COX7C: variants seen among roughly 807,000 people sequenced by gnomAD.
COX7C encodes cytochrome c oxidase subunit 7C, also known as cytochrome c oxidase subunit 7C, mitochondrial.
COX7C carries 1 observed loss-of-function variant against 6.4 expected under a neutral mutation model. The ratio of observed to expected loss-of-function variants is 0.16; its 90% CI spans 0.06 to 0.74. The LOEUF is 0.74. Ranked by LOEUF, COX7C falls within the 30% of genes least tolerant of loss-of-function variation. COX7C has a pLI of 0.78. For missense variants in COX7C, 54 were observed against 73.7 expected (o/e 0.73, Z 0.98); for synonymous variants, 24 against 28.9 (o/e 0.83, Z 0.54).
intron 2 of COX7C, 101 bp downstream of exon 2, chr5:86,619,597 C>A: frequency 1.4e-6 from 1 of 692,196 alleles, no homozygotes; most frequent in Non-Finnish European, 2.6e-6. Context: ...TTGTGTAGGG[C>A]TGATTCCTGA....
rs1170824721 is a variant in COX7C, at chr5:86,617,980, A to G, written c.-76A>G. ...CGCACCGGGGAACAAGGTCGTGAAA[A>G]AAAAGGTCTTGGTGAGGTGCCGCCA... On this transcript the variant is annotated 5_prime_UTR_variant, in exon 1 of 3. Transcript: ENST00000247655. The G allele has an allele frequency of 7.0e-7, 1 of 1,423,424 alleles. No individual in the cohort carries two copies. Among genetic ancestry groups the G allele is most frequent in the Non-Finnish European group, 9.9e-7 (1 of 1,012,782 alleles). 88.2% of individuals were successfully genotyped at this position (1,423,424 alleles called of 1,614,324 possible). A position where few individuals can be genotyped will look rare whatever the true frequency, so the allele number is the denominator to read the frequency against.
At chr5:86,618,661 G>C (rs1479229181) in intron 1 of COX7C, among the ~76,000 whole-genome samples, 1 of 152,198 alleles carries the variant, frequency 6.6e-6, no homozygotes, top group African/African-American at 2.4e-5. Context: ...ATAAAGGCCA[G>C]AGAAGGTGCT....
chr5:86,618,374 T>G, intron 1 of COX7C: 71 of 460,316 alleles, frequency 1.5e-4, no homozygotes, highest in Middle Eastern at 6.1e-4. Flanking sequence ...TGACGCCCCC[T>G]CCCCCGCCCC....
At chr5:86,618,303 A>G (rs1750040828) in intron 1 of COX7C, 173 bp downstream of exon 1, 1 of 628,364 alleles carries the variant, frequency 1.6e-6, no homozygotes, top group African/African-American at 1.9e-5. Context: ...TGGGCATCCT[A>G]GCGCGTAGCC....
At chr5:86,619,608 G>A (rs140431066) in intron 2 of COX7C, 112 bp downstream of exon 2, 1 of 662,478 alleles carries the variant, frequency 1.5e-6, no homozygotes, top group African/African-American at 1.8e-5. Flanking sequence ...TGATTCCTGA[G>A]GTTATGTGTA....
rs772546299 is a variant in COX7C at position 86,618,039 on chromosome 5, G to A, written c.-17G>A. The A allele has an allele frequency of 6.2e-7, 1 of 1,613,256 alleles. No individual in the cohort carries two copies. The highest frequency in any genetic ancestry group is 8.5e-7 in the Non-Finnish European group (1 of 1,179,944). ...GTCCTCATTCTCTGCGCCTTTCGCAGAGCTTCCAGCAGCGGTATGTTGGGC... is the reference window on the plus strand; with the variant it reads ...GTCCTCATTCTCTGCGCCTTTCGCAAAGCTTCCAGCAGCGGTATGTTGGGC... On this transcript the variant is annotated 5_prime_UTR_variant, in exon 1 of 3. Transcript: ENST00000247655.
intron 1 of COX7C, 121 bp downstream of exon 1, chr5:86,618,251 G>T: frequency 3.5e-6 from 3 of 864,136 alleles, no homozygotes; most frequent in Non-Finnish European, 5.7e-6. Context: ...AGGCTGAGAC[G>T]CAGACTAGCA....
intron 1 of COX7C, among the ~76,000 whole-genome samples, chr5:86,618,906 C>G (rs935614189): frequency 4.0e-5 from 6 of 149,746 alleles, no homozygotes; most frequent in Admixed American, 3.3e-4. Context: ...CGCTTGAACC[C>G]GGGAGGTGGA....
At chr5:86,619,211 T>C in intron 1 of COX7C, 142 bp from the exon 2 acceptor site, 1 of 623,650 alleles carries the variant, frequency 1.6e-6, no homozygotes, top group Non-Finnish European at 2.9e-6. Flanking sequence ...AGATAAATGT[T>C]TAAAACGATG....
At chr5:86,619,904 T>C (rs1384749761) in intron 2 of COX7C, 1 of 161,554 alleles carries the variant, frequency 6.2e-6, no homozygotes, top group Non-Finnish European at 1.4e-5. Context: ...TGATTAATGT[T>C]ACTCTATCTT....
At chr5:86,619,328 TA>T (rs1561268460) in intron 1 of COX7C, 24 bp from the exon 2 acceptor site, 8 of 1,384,400 alleles carry the variant, frequency 5.8e-6, no homozygotes, top group Non-Finnish European at 8.2e-6. Flanking sequence ...CAATTTCGAT[TA>T]CTTTTTCTCT....
intron 1 of COX7C, 103 bp from the exon 2 acceptor site, chr5:86,619,250 T>C: frequency 1.4e-6 from 1 of 735,214 alleles, no homozygotes; most frequent in Admixed American, 1.9e-5. Context: ...GTTAACCTGA[T>C]GATGTAAAAT....
intron 2 of COX7C, 161 bp downstream of exon 2, chr5:86,619,657 A>C (rs1750079077): frequency 1.9e-6 from 1 of 524,280 alleles, no homozygotes; most frequent in African/African-American, 1.9e-5. Context: ...AACCTATATA[A>C]AAATATTTCA....
chr5:86,619,271 T>A, intron 1 of COX7C, 82 bp from the exon 2 acceptor site: 1 of 828,640 alleles, frequency 1.2e-6, no homozygotes, highest in Non-Finnish European at 2.1e-6. Flanking sequence ...ATAACTAGCA[T>A]TTCCTGTATA....
intron 1 of COX7C, among the ~76,000 whole-genome samples, chr5:86,618,978 CAA>C (rs368187717): frequency 2.2e-4 from 14 of 62,398 alleles, no homozygotes; most frequent in Admixed American, 3.8e-4. Context: ...GACTCCGTCT[CAA>C]AAAAAAAAAA....
intron 2 of COX7C, 110 bp downstream of exon 2, chr5:86,619,606 G>A (rs575894092): frequency 6.0e-6 from 4 of 670,574 alleles, no homozygotes; most frequent in Non-Finnish European, 1.1e-5. Flanking sequence ...GCTGATTCCT[G>A]AGGTTATGTG....
intron 1 of COX7C, chr5:86,618,381 C>T: frequency 2.1e-6 from 1 of 487,218 alleles, no homozygotes; most frequent in Non-Finnish European, 3.7e-6. Context: ...CCCTCCCCCG[C>T]CCCGCAGAAA....
Position 86,618,072 on chromosome 5 carries a change from T to C in COX7C, c.17T>C (p.Ile6Thr). Residue 6 changes from isoleucine to threonine, a missense_variant, in exon 1 of 3, where the codon ATC becomes ACC. Ile to Thr is a moderately conservative substitution (Grantham distance 89). Coordinates refer to ENST00000247655, the MANE Select transcript of COX7C (RefSeq NM_001867.3). MLGQS[I>T]RRFTTSVVRR... is the part of the protein sequence containing the mutation. ...AGCAGCGGTATGTTGGGCCAGAGCA[T>C]CCGGAGGTTCACAACCTCTGTGGTC... 2 of 1,613,930 alleles carry C rather than the reference T, an allele frequency of 1.2e-6. No homozygotes were observed. Among genetic ancestry groups the C allele is most frequent in the Non-Finnish European group, 1.7e-6 (2 of 1,180,020 alleles).
At chr5:86,619,684 A>T in intron 2 of COX7C, 188 bp downstream of exon 2, 1 of 486,850 alleles carries the variant, frequency 2.1e-6, no homozygotes, top group Non-Finnish European at 3.7e-6. Context: ...GCCAGTGTTT[A>T]TTGAATACTA....
Sources: gnomAD v4.1 joint callset for allele counts (sites outside exome capture counted in the v4.1 genomes callset) on GRCh38, gnomAD v4.1.1 for gene constraint, MANE v1.5 for transcripts, NCBI Gene and HGNC (gene_info 2026-07-23, HGNC 2026-07-21) for gene names.